LRMDA: variants seen among roughly 807,000 people sequenced by gnomAD.
The protein encoded by LRMDA is leucine rich melanocyte differentiation associated.
A neutral mutation model predicts 29.8 loss-of-function variants in LRMDA; 18 were observed. The observed-to-expected ratio is 0.60, with a 90% CI of 0.42 to 0.90. The LOEUF (loss-of-function observed/expected upper bound fraction) is 0.90, where lower values mean the gene tolerates loss of function less well. Ranked by LOEUF, LRMDA falls within the 40% of genes least tolerant of loss-of-function variation. LRMDA has a pLI of 0.00. For synonymous variants in LRMDA, 125 were observed against 109.4 expected, an observed-to-expected ratio of 1.14 and a Z score of -0.89; for missense variants, 273 against 273.9, an observed-to-expected ratio of 1.00 and a Z score of 0.02.
In LRMDA at chr10:76,250,065, C is replaced by A. The variant is rs1315144888; in HGVS notation, c.517-74336C>A. On this transcript the variant is annotated intron_variant, in intron 5 of 6. Transcript: ENST00000611255. ...AGGTGATCCACCTGCCTCGGCCTCC[C>A]AAAGTGCTGGGATTACAGGTGTGAG... Among the ~76,000 whole-genome samples, 9 of 152,180 alleles carry A rather than the reference C, an allele frequency of 5.9e-5. No homozygotes were observed. In the East Asian group the frequency reaches 1.5e-3, roughly 26 times the overall value.
chr10:76,150,032 A>G (rs1254144149), intron 5 of LRMDA, among the ~76,000 whole-genome samples: 1 of 152,190 alleles, frequency 6.6e-6, no homozygotes, highest in Non-Finnish European at 1.5e-5. Flanking sequence ...TCTAGCCAGA[A>G]GCTCAAAATC....
chr10:75,780,244 T>A (rs1305416312), intron 2 of LRMDA, among the ~76,000 whole-genome samples: 1 of 152,220 alleles, frequency 6.6e-6, no homozygotes, highest in Non-Finnish European at 1.5e-5. Flanking sequence ...CTATAGTAGC[T>A]AGTATGGGAG....
In LRMDA at chr10:75,692,217, AAAATATAT is replaced by A. The variant is rs1385373638; in HGVS notation, c.131+253725_131+253732del. 1.4e-3 allele frequency among the ~76,000 whole-genome samples: 72 copies of A among 50,594 alleles called. 1 individual carries two copies. The highest frequency in any genetic ancestry group is 5.0e-3 in the South Asian group (8 of 1,586). 33.2% of individuals were successfully genotyped at this position (50,594 alleles called of 152,430 possible). ...ACCTTGTCTCTGGGGGGAAAAAAAAAAAATATATATATATATATATATATATATATACA... is the reference window on the plus strand; with the variant it reads ...ACCTTGTCTCTGGGGGGAAAAAAAAAATATATATATATATATATATATACA... On this transcript the variant is annotated intron_variant, in intron 2 of 6. Coordinates refer to ENST00000611255, the MANE Select transcript of LRMDA (RefSeq NM_001305581.2).
At chr10:75,704,257 C>G (rs1376862672) in intron 2 of LRMDA, among the ~76,000 whole-genome samples, 1 of 152,096 alleles carries the variant, frequency 6.6e-6, no homozygotes, top group African/African-American at 2.4e-5. Flanking sequence ...ACAATAACCA[C>G]CTTTCAGCTT....
intron 2 of LRMDA, among the ~76,000 whole-genome samples, chr10:75,799,149 A>G (rs567589986): frequency 6.6e-6 from 1 of 152,310 alleles, no homozygotes; most frequent in African/African-American, 2.4e-5. Context: ...TTCTTTATCC[A>G]CAGGCATGTT....
intron 5 of LRMDA, among the ~76,000 whole-genome samples, chr10:76,069,144 C>T (rs1161266323): frequency 6.6e-6 from 1 of 152,164 alleles, no homozygotes; most frequent in Non-Finnish European, 1.5e-5. Flanking sequence ...TTGTTTTGCC[C>T]ACCTGTGGTC....
At chr10:75,770,162 A>G (rs1261233288) in intron 2 of LRMDA, among the ~76,000 whole-genome samples, 2 of 152,016 alleles carry the variant, frequency 1.3e-5, no homozygotes, top group African/African-American at 2.4e-5. Flanking sequence ...ATGGTGGTAC[A>G]CACGTGTAGC....
chr10:76,332,753 G>T (rs917842014), intron 6 of LRMDA, among the ~76,000 whole-genome samples: 1 of 152,146 alleles, frequency 6.6e-6, no homozygotes, highest in African/African-American at 2.4e-5. Flanking sequence ...GTAAGACAAA[G>T]ATTGCTATGA....
At chr10:76,080,528 G>A (rs952023409) in intron 5 of LRMDA, among the ~76,000 whole-genome samples, 2 of 152,178 alleles carry the variant, frequency 1.3e-5, no homozygotes, top group Admixed American at 6.5e-5. Flanking sequence ...ATATGTGTAT[G>A]AGACAGTGGC....
chr10:76,478,563 T>C (rs1842702719), intron 6 of LRMDA, among the ~76,000 whole-genome samples: 1 of 152,060 alleles, frequency 6.6e-6, no homozygotes, highest in South Asian at 2.1e-4. Context: ...ACCCAAAGGA[T>C]TATAAATGAT....
intron 2 of LRMDA, among the ~76,000 whole-genome samples, chr10:75,473,939 G>A (rs75807877): frequency 0.016 from 2,463 of 152,308 alleles, 26 homozygotes; most frequent in Non-Finnish European, 0.027. Flanking sequence ...ATCCTATTGA[G>A]TATCAAGTTT....
At chr10:76,531,625 A>G (rs1843235211) in intron 6 of LRMDA, among the ~76,000 whole-genome samples, 1 of 152,174 alleles carries the variant, frequency 6.6e-6, no homozygotes, top group South Asian at 2.1e-4. Flanking sequence ...TTGCATCTCT[A>G]GGATAAAGTG....
chr10:75,505,939 C>T (rs939483041), intron 2 of LRMDA, among the ~76,000 whole-genome samples: 6 of 151,964 alleles, frequency 3.9e-5, no homozygotes, highest in Non-Finnish European at 7.4e-5. Flanking sequence ...TATTAACTCT[C>T]CTCCTCCATC....
intron 2 of LRMDA, among the ~76,000 whole-genome samples, chr10:75,992,191 CA>C (rs145556813): frequency 1.3e-5 from 2 of 152,158 alleles, no homozygotes; most frequent in African/African-American, 4.8e-5. Context: ...TAGCAAGTCT[CA>C]AAGTCTCACA....
chr10:76,176,098 A>G (rs929075815), intron 5 of LRMDA, among the ~76,000 whole-genome samples: 4 of 152,174 alleles, frequency 2.6e-5, no homozygotes, highest in African/African-American at 9.7e-5. Flanking sequence ...CTTGCCATTA[A>G]GCAGACAGAA....
chr10:75,893,385 C>A lies in LRMDA; in HGVS notation c.132-142623C>A, dbSNP rs1485725195. On this transcript the variant is annotated intron_variant, in intron 2 of 6. Coordinates refer to ENST00000611255, the MANE Select transcript of LRMDA (RefSeq NM_001305581.2). ...TAAGAGAGCAGGGAATGACATTGGC[C>A]ATTGTATTTATAAACAGGTTAGACG... Among the ~76,000 whole-genome samples the A allele has an allele frequency of 2.6e-5, 4 of 152,114 alleles. No individual in the cohort carries two copies. In the East Asian group the frequency reaches 7.7e-4, roughly 29 times the overall value.
intron 5 of LRMDA, among the ~76,000 whole-genome samples, chr10:76,241,292 C>T (rs1337479340): frequency 1.3e-5 from 2 of 152,130 alleles, no homozygotes; most frequent in African/African-American, 4.8e-5. Context: ...TGTATCTTAT[C>T]AGTAGGTTCA....
At chr10:75,482,350 A>G (rs1168705151) in intron 2 of LRMDA, among the ~76,000 whole-genome samples, 1 of 152,210 alleles carries the variant, frequency 6.6e-6, no homozygotes, top group East Asian at 1.9e-4. Context: ...GGTTTCACCT[A>G]GCCTAGCCAA....
At chr10:76,509,890 A>T (rs1842992992) in intron 6 of LRMDA, among the ~76,000 whole-genome samples, 1 of 152,162 alleles carries the variant, frequency 6.6e-6, no homozygotes, top group Admixed American at 6.5e-5. Flanking sequence ...TGAAGCTCAG[A>T]CTTTAAGCTG....
Sources: allele counts gnomAD v4.1 joint callset (sites outside exome capture counted in the v4.1 genomes callset), GRCh38; gene constraint gnomAD v4.1.1; transcripts MANE v1.5; gene names NCBI Gene and HGNC (gene_info 2026-07-23, HGNC 2026-07-21).